COG6: variants seen among roughly 807,000 people sequenced by gnomAD.
The protein encoded by COG6 is conserved oligomeric Golgi complex subunit 6.
Under a neutral mutation model 88.8 loss-of-function variants are expected in COG6, and 74 were observed. The ratio of observed to expected loss-of-function variants is 0.83; its 90% CI spans 0.69 to 1.01. COG6 has a LOEUF of 1.01. Ranked by LOEUF, COG6 falls within the 50% of genes least tolerant of loss-of-function variation. The pLI is 0.00. For synonymous variants in COG6, 286 were observed against 278.7 expected (o/e 1.03, Z -0.26); for missense variants, 800 against 797.9 (o/e 1.00, Z -0.03).
chr13:39,663,552 A>G (rs1431429998), intron 3 of COG6, among the ~76,000 whole-genome samples: 1 of 152,220 alleles, frequency 6.6e-6, no homozygotes, highest in Non-Finnish European at 1.5e-5. Context: ...TGGCAGTCTA[A>G]TAATTCTAAA....
chr13:39,787,926 C>A (rs777332559), intron 18 of COG6, among the ~76,000 whole-genome samples: 2 of 152,118 alleles, frequency 1.3e-5, no homozygotes, highest in East Asian at 1.9e-4. Context: ...ATCCTGGAAC[C>A]AATCCCCCAT....
At chr13:39,719,886 G>C in intron 15 of COG6, 59 bp downstream of exon 15, 1 of 1,355,536 alleles carries the variant, frequency 7.4e-7, no homozygotes, top group Non-Finnish European at 1.0e-6. Flanking sequence ...CTATGTGATA[G>C]CTTTAAGTTA....
chr13:39,711,064 G>A (rs1018540545), intron 13 of COG6, among the ~76,000 whole-genome samples: 3 of 151,340 alleles, frequency 2.0e-5, no homozygotes, highest in African/African-American at 7.3e-5. Context: ...AGAAACAAAT[G>A]GTAAACTCAA....
chr13:39,778,036 G>A (rs771684257), intron 18 of COG6, among the ~76,000 whole-genome samples: 1 of 152,162 alleles, frequency 6.6e-6, no homozygotes, highest in African/African-American at 2.4e-5. Flanking sequence ...GAGTTAAGCA[G>A]TCCTAATCAA....
intron 4 of COG6, among the ~76,000 whole-genome samples, chr13:39,669,056 G>T (rs890400728): frequency 3.3e-5 from 5 of 152,184 alleles, no homozygotes; most frequent in Non-Finnish European, 7.3e-5. Context: ...ATAGTGTCCT[G>T]TTGGTGGGTG....
At chr13:39,662,764 G>A (rs1374732729) in intron 3 of COG6, among the ~76,000 whole-genome samples, 1 of 152,020 alleles carries the variant, frequency 6.6e-6, no homozygotes, top group African/African-American at 2.4e-5. Flanking sequence ...CCATGATTTT[G>A]AAAGTTTTGT....
chr13:39,737,568 G>A (rs148526952), intron 18 of COG6, among the ~76,000 whole-genome samples: 30 of 150,488 alleles, frequency 2.0e-4, no homozygotes, highest in African/African-American at 6.6e-4. Context: ...TCTGTCTCAA[G>A]CAGAAGGAAG....
At chr13:39,789,460 A>T (rs982296816) in exon 19 of COG6, 1 of 152,162 alleles carries the variant, frequency 6.6e-6, no homozygotes, top group Admixed American at 6.6e-5. Context: ...TCACTTCCTC[A>T]TAAAGCAACC....
At chr13:39,764,764 G>C (rs1052715601) in intron 18 of COG6, among the ~76,000 whole-genome samples, 1 of 151,908 alleles carries the variant, frequency 6.6e-6, no homozygotes, top group Non-Finnish European at 1.5e-5. Context: ...TTATTCATAC[G>C]TACTTTATGG....
intron 4 of COG6, among the ~76,000 whole-genome samples, chr13:39,666,994 G>A (rs1875314324): frequency 6.6e-6 from 1 of 152,006 alleles, no homozygotes; most frequent in African/African-American, 2.4e-5. Context: ...TGAACCTCAG[G>A]GTTTCTTTGC....
chr13:39,729,637 G>A (rs1879327938), intron 18 of COG6, among the ~76,000 whole-genome samples: 1 of 152,080 alleles, frequency 6.6e-6, no homozygotes, highest in South Asian at 2.1e-4. Flanking sequence ...TGAGGAAATA[G>A]TAATTATCAA....
At chr13:39,688,608 C>A (rs1876804462) in intron 10 of COG6, among the ~76,000 whole-genome samples, 1 of 152,076 alleles carries the variant, frequency 6.6e-6, no homozygotes, top group Non-Finnish European at 1.5e-5. Context: ...CTCCCACAGG[C>A]CCCCACCTCC....
At chr13:39,709,548 CTTTG>C (rs1471035125) in intron 13 of COG6, among the ~76,000 whole-genome samples, 3 of 150,614 alleles carry the variant, frequency 2.0e-5, no homozygotes, top group African/African-American at 7.3e-5. Context: ...CAATATTTGA[CTTTG>C]TTTATTTCAC....
At chr13:39,781,322 A>G (rs561866043) in intron 18 of COG6, among the ~76,000 whole-genome samples, 3 of 152,324 alleles carry the variant, frequency 2.0e-5, no homozygotes, top group South Asian at 2.1e-4. Context: ...ATTCACTGGA[A>G]CATGCAAAAT....
intron 13 of COG6, among the ~76,000 whole-genome samples, chr13:39,715,195 G>A (rs1354429674): frequency 1.3e-5 from 2 of 151,346 alleles, no homozygotes; most frequent in African/African-American, 4.9e-5. Flanking sequence ...TACACCAAAA[G>A]CTGTTAAAAT....
chr13:39,762,006 A>G (rs943974961), intron 18 of COG6, among the ~76,000 whole-genome samples: 2 of 151,902 alleles, frequency 1.3e-5, no homozygotes, highest in African/African-American at 4.8e-5. Flanking sequence ...CAATCTCACT[A>G]CTGGGTATAT....
Position 39,765,328 on chromosome 13 carries a change from C to T in COG6, c.1827-23007C>T, listed in dbSNP as rs1208245861. ...TGATCCCATGGTAAATTAAGCAAAT[C>T]CTCACAGCATATTGAGGCCCTATTC... On this transcript the variant is annotated intron_variant, in intron 18 of 18. Transcript: ENST00000416691. Among the ~76,000 whole-genome samples, 3 of 152,286 alleles carry T rather than the reference C, an allele frequency of 2.0e-5. No individual in the cohort carries two copies. The East Asian group carries it at 5.8e-4, about 29-fold the overall frequency.
downstream of COG6, among the ~76,000 whole-genome samples, chr13:39,755,513 A>G (rs567991658): frequency 2.0e-5 from 3 of 152,326 alleles, no homozygotes; most frequent in South Asian, 4.1e-4. Context: ...GGAGCAAACA[A>G]TAAACTAACC....
At chr13:39,694,987 A>ACACC (rs1437708287) in intron 12 of COG6, among the ~76,000 whole-genome samples, 3 of 147,464 alleles carry the variant, frequency 2.0e-5, no homozygotes. Flanking sequence ...ACACACACAC[A>ACACC]CACCCCTTAT....
Sources: gnomAD v4.1 joint callset for allele counts (sites outside exome capture counted in the v4.1 genomes callset) on GRCh38, gnomAD v4.1.1 for gene constraint, MANE v1.5 for transcripts, NCBI Gene and HGNC (gene_info 2026-07-23, HGNC 2026-07-21) for gene names.